Variants in DTX4 observed in about 807,000 individuals in gnomAD.
DTX4 encodes the protein E3 ubiquitin-protein ligase DTX4.
A neutral mutation model predicts 57.6 loss-of-function variants in DTX4; 28 were observed. That is an observed-to-expected ratio of 0.49 (90% confidence interval 0.36 to 0.67). DTX4 has a LOEUF of 0.67. Ranked by LOEUF, DTX4 falls within the 30% of genes least tolerant of loss-of-function variation. The pLI is 0.00. For synonymous variants in DTX4, 316 were observed against 331.0 expected (o/e 0.95, Z 0.49); for missense variants, 715 against 836.8 (o/e 0.85, Z 1.80).
intron 6 of DTX4, 51 bp downstream of exon 6, chr11:59,192,301 GT>G: frequency 6.2e-7 from 1 of 1,607,764 alleles, no homozygotes; most frequent in Non-Finnish European, 8.5e-7. Context: ...GGGCTCTGGA[GT>G]AGCAAGATGG....
upstream of DTX4, among the ~76,000 whole-genome samples, chr11:59,171,748 G>C (rs1365843387): frequency 6.6e-6 from 1 of 152,156 alleles, no homozygotes; most frequent in African/African-American, 2.4e-5. Flanking sequence ...GTGTGCGACT[G>C]TGAGTGTGCC....
In DTX4 at chr11:59,205,852, G is replaced by A. The variant is rs896189513; in HGVS notation, c.*943G>A. 5.9e-5 allele frequency: 9 copies of A among 152,944 alleles called. No homozygotes were observed. The highest frequency in any genetic ancestry group is 7.2e-5 in the African/African-American group (3 of 41,464). The allele number at this position is 152,944 out of a possible 1,614,324, so 9.5% of individuals were successfully genotyped here. On this transcript the variant is annotated 3_prime_UTR_variant, in exon 9 of 9. Coordinates refer to ENST00000227451, the MANE Select transcript of DTX4 (RefSeq NM_015177.2). ...TGTGCATGCGCGTGTGTGTGTGGGC[G>A]TGTGTGCATTGCTGGGCCAGCTTGA...
intron 8 of DTX4, among the ~76,000 whole-genome samples, chr11:59,203,630 G>A (rs571462946): frequency 2.4e-4 from 37 of 152,226 alleles, no homozygotes; most frequent in African/African-American, 7.0e-4. Context: ...TTTTCTTTTC[G>A]TAAATAAGTA....
At chr11:59,193,370 A>T (rs1862623620) in intron 6 of DTX4, among the ~76,000 whole-genome samples, 1 of 152,082 alleles carries the variant, frequency 6.6e-6, no homozygotes, top group Non-Finnish European at 1.5e-5. Context: ...CATGTAGCCT[A>T]TTTGATTGAA....
intron 2 of DTX4, among the ~76,000 whole-genome samples, chr11:59,184,958 T>G (rs1004871635): frequency 6.6e-6 from 1 of 152,214 alleles, no homozygotes; most frequent in African/African-American, 2.4e-5. Context: ...ATCGACCTTC[T>G]GTCATTGCAG....
intron 6 of DTX4, chr11:59,194,970 C>T (rs369299718): frequency 4.0e-4 from 222 of 551,730 alleles, no homozygotes; most frequent in African/African-American, 3.8e-3. Flanking sequence ...ACAGGGGCTT[C>T]TCTTACATAT....
chr11:59,202,389 GT>G (rs1862750719), intron 8 of DTX4, among the ~76,000 whole-genome samples: 1 of 152,202 alleles, frequency 6.6e-6, no homozygotes. Flanking sequence ...TAAAATAGTG[GT>G]GATGATTTGC....
intron 7 of DTX4, among the ~76,000 whole-genome samples, chr11:59,199,036 G>C (rs1862708907): frequency 6.6e-6 from 1 of 152,170 alleles, no homozygotes; most frequent in South Asian, 2.1e-4. Flanking sequence ...AATGCTGTTA[G>C]AAGATTTTTA....
Position 59,172,482 on chromosome 11 carries a change from C to T in DTX4, c.-114C>T. The T allele has an allele frequency of 2.1e-6, 1 of 479,702 alleles. No homozygotes were observed. The highest frequency in any genetic ancestry group is 7.5e-5 in the East Asian group (1 of 13,316). 29.7% of individuals were successfully genotyped at this position (479,702 alleles called of 1,614,324 possible). Reference sequence around the variant, plus strand: ...TGAGGCTGCCCGGGGCGGCGGGGCGCGGGGCAGGGGGCGCGGTCGAGGCCC... The same window carrying T: ...TGAGGCTGCCCGGGGCGGCGGGGCGTGGGGCAGGGGGCGCGGTCGAGGCCC... On this transcript the variant is annotated 5_prime_UTR_variant, in exon 1 of 9. Transcript: ENST00000227451.
In DTX4 at chr11:59,206,077, T is replaced by C. The variant is rs1046554963; in HGVS notation, c.*1168T>C. ...GGTGAGGGCTGAACTCATCCTTTTATATTTCTTTTCAAGATTGGATCAGAG... is the reference window on the plus strand; with the variant it reads ...GGTGAGGGCTGAACTCATCCTTTTACATTTCTTTTCAAGATTGGATCAGAG... On this transcript the variant is annotated 3_prime_UTR_variant, in exon 9 of 9. Transcript: ENST00000227451. 6.6e-6 allele frequency: 1 copy of C among 152,188 alleles called. No homozygotes were observed. Among genetic ancestry groups the C allele is most frequent in the African/African-American group, 2.4e-5 (1 of 41,426 alleles). 9.4% of individuals were successfully genotyped at this position (152,188 alleles called of 1,614,324 possible). A position where few individuals can be genotyped will look rare whatever the true frequency, so the allele number is the denominator to read the frequency against.
chr11:59,191,211 C>G (rs1862593924), intron 5 of DTX4, 36 bp downstream of exon 5: 1 of 1,544,530 alleles, frequency 6.5e-7, no homozygotes, highest in African/African-American at 1.4e-5. Flanking sequence ...ATTCACCTCT[C>G]CATCACCCAC....
intron 1 of DTX4, among the ~76,000 whole-genome samples, chr11:59,178,725 G>C (rs1862424865): frequency 6.6e-6 from 1 of 152,242 alleles, no homozygotes; most frequent in African/African-American, 2.4e-5. Context: ...GGCTTCCTGA[G>C]GGTGGGGCCT....
intron 8 of DTX4, among the ~76,000 whole-genome samples, chr11:59,203,143 C>G (rs1173676954): frequency 6.6e-6 from 1 of 152,214 alleles, no homozygotes; most frequent in African/African-American, 2.4e-5. Context: ...CATTGCTGTG[C>G]ACTACTAAAG....
chr11:59,198,783 C>T (rs552399471), intron 7 of DTX4, among the ~76,000 whole-genome samples: 1 of 152,254 alleles, frequency 6.6e-6, no homozygotes, highest in African/African-American at 2.4e-5. Flanking sequence ...AAAGAGGGTT[C>T]CATCCCTCAG....
At chr11:59,194,247 A>G (rs1352366737) in intron 6 of DTX4, among the ~76,000 whole-genome samples, 2 of 152,218 alleles carry the variant, frequency 1.3e-5, no homozygotes, top group South Asian at 4.1e-4. Context: ...CTTCCAGGCC[A>G]TTGTCAGAAG....
Position 59,172,561 on chromosome 11 carries a change from G to A in DTX4, c.-35G>A, listed in dbSNP as rs1266510634. Reference sequence around the variant, plus strand: ...GAGGTCGGGCGCTCGGGGCCCGGGAGGCGGGCCGCGCAGCGCCGCAGCCCC... The same window carrying A: ...GAGGTCGGGCGCTCGGGGCCCGGGAAGCGGGCCGCGCAGCGCCGCAGCCCC... On this transcript the variant is annotated 5_prime_UTR_variant, in exon 1 of 9. Coordinates refer to ENST00000227451, the MANE Select transcript of DTX4 (RefSeq NM_015177.2). 7 of 1,304,546 alleles carry A rather than the reference G, an allele frequency of 5.4e-6. No homozygotes were observed. Among genetic ancestry groups the A allele is most frequent in the Admixed American group, 4.1e-5 (1 of 24,622 alleles). The allele number at this position is 1,304,546 out of a possible 1,614,324, so 80.8% of individuals were successfully genotyped here.
intron 6 of DTX4, chr11:59,194,930 T>C: frequency 2.2e-6 from 1 of 461,216 alleles, no homozygotes; most frequent in South Asian, 2.4e-5. Flanking sequence ...TGTAGGCTCC[T>C]GCCCTAGAGA....
At chr11:59,195,002 C>G in intron 6 of DTX4, 1 of 608,100 alleles carries the variant, frequency 1.6e-6, no homozygotes, top group Non-Finnish European at 2.9e-6. Context: ...GAGCATGGGA[C>G]CAGTTGTGGA....
intron 8 of DTX4, among the ~76,000 whole-genome samples, chr11:59,203,162 A>G (rs1471741479): frequency 6.6e-6 from 1 of 152,220 alleles, no homozygotes; most frequent in African/African-American, 2.4e-5. Flanking sequence ...AGACTTTATA[A>G]ACACTGTACA....
Sources: allele counts gnomAD v4.1 joint callset (sites outside exome capture counted in the v4.1 genomes callset), GRCh38; gene constraint gnomAD v4.1.1; transcripts MANE v1.5; gene names NCBI Gene and HGNC (gene_info 2026-07-23, HGNC 2026-07-21).